CEP63: variants seen among roughly 807,000 people sequenced by gnomAD.
CEP63 encodes the protein centrosomal protein of 63 kDa.
A neutral mutation model predicts 89.1 loss-of-function variants in CEP63; 84 were observed. The ratio of observed to expected loss-of-function variants is 0.94; its 90% CI spans 0.79 to 1.13. The LOEUF (loss-of-function observed/expected upper bound fraction) is 1.13. Ranked by LOEUF, CEP63 falls within the 50% of genes most tolerant of loss-of-function variation. The pLI, the probability that CEP63 is intolerant of heterozygous loss-of-function variation, is 0.00. For missense variants in CEP63, 838 were observed against 813.3 expected, an observed-to-expected ratio of 1.03 and a Z score of -0.37; for synonymous variants, 267 against 272.5, an observed-to-expected ratio of 0.98 and a Z score of 0.20.
In CEP63 at chr3:134,529,339, C is replaced by CTG. The variant is rs1949384248; in HGVS notation, c.223-2505_223-2504insGT. Among the ~76,000 whole-genome samples the CTG allele has an allele frequency of 2.7e-4, 31 of 116,928 alleles. No individual in the cohort carries two copies. The South Asian group carries it at 8.3e-3, about 31-fold the overall frequency. 76.7% of individuals were successfully genotyped at this position (116,928 alleles called of 152,430 possible). A position where few individuals can be genotyped will look rare whatever the true frequency, so the allele number is the denominator to read the frequency against. On this transcript the variant is annotated intron_variant, in intron 3 of 14. Coordinates refer to ENST00000675561, the MANE Select transcript of CEP63 (RefSeq NM_001353108.3). ...TTATAAAAGAACAAATCCCCATTGA[C>CTG]TTTTTTTTTTTTTTTTTTTGAGACT... is the stretch of plus-strand genomic sequence containing the variant.
At chr3:134,764,881 C>A in the CEP63 span, among the ~76,000 whole-genome samples, 1 of 152,194 alleles carries the variant, frequency 6.6e-6, no homozygotes, top group East Asian at 1.9e-4. Flanking sequence ...TGTTAGCATA[C>A]TTCTAGCAGT....
the CEP63 span, among the ~76,000 whole-genome samples, chr3:134,611,038 T>A: frequency 2.6e-5 from 4 of 152,238 alleles, no homozygotes; most frequent in Non-Finnish European, 5.9e-5. Context: ...TGCTCAGGTC[T>A]GACTGGTGGG....
At chr3:134,608,967 CACT>C in the CEP63 span, 5 of 1,042,278 alleles carry the variant, frequency 4.8e-6, no homozygotes, top group African/African-American at 8.0e-5. Context: ...CTAACATGGG[CACT>C]GGAGACTCCT....
rs1291251302 is a variant in CEP63, at chr3:134,486,529, G to GTCCA, written c.-26+327_-26+328insTCCA. 4 of 985,700 alleles carry GTCCA rather than the reference G, an allele frequency of 4.1e-6. No individual in the cohort carries two copies. In the African/African-American group the frequency reaches 7.0e-5, roughly 17 times the overall value. 61.1% of individuals were successfully genotyped at this position (985,700 alleles called of 1,614,324 possible). A position where few individuals can be genotyped will look rare whatever the true frequency, so the allele number is the denominator to read the frequency against. On this transcript the variant is annotated intron_variant, in intron 1 of 14. Transcript: ENST00000675561. ...GTCAGCCCTTCCTCGGAGTCCAGGT[G>GTCCA]GCTGGGGGCGCTTCGGAGAGTGGCC...
chr3:134,553,848 A>G (rs1247754076), intron 12 of CEP63, among the ~76,000 whole-genome samples: 1 of 152,174 alleles, frequency 6.6e-6, no homozygotes, highest in African/African-American at 2.4e-5. Context: ...TTACATTCCC[A>G]TGGAAACCAT....
chr3:134,698,094 C>T, the CEP63 span, among the ~76,000 whole-genome samples: 1 of 152,200 alleles, frequency 6.6e-6, no homozygotes, highest in Non-Finnish European at 1.5e-5. Context: ...GCAGATACCC[C>T]GCCAACCTGA....
At chr3:134,559,031 T>C in intron 13 of CEP63, 119 bp from the exon 14 acceptor site, 3 of 1,005,024 alleles carry the variant, frequency 3.0e-6, no homozygotes, top group Non-Finnish European at 4.5e-6. Flanking sequence ...AGTAGGTTGC[T>C]CATTTTGTAA....
the CEP63 span, among the ~76,000 whole-genome samples, chr3:134,674,237 T>C: frequency 6.6e-6 from 1 of 152,096 alleles, no homozygotes; most frequent in South Asian, 2.1e-4. Flanking sequence ...AAAAAGATAA[T>C]ACATCATGAA....
the CEP63 span, among the ~76,000 whole-genome samples, chr3:134,602,351 G>A: frequency 6.6e-6 from 1 of 152,146 alleles, no homozygotes; most frequent in Admixed American, 6.5e-5. Context: ...AGGCCTCTCA[G>A]TCTGTGCCTG....
chr3:134,684,124 C>T, the CEP63 span, among the ~76,000 whole-genome samples: 1 of 152,150 alleles, frequency 6.6e-6, no homozygotes, highest in African/African-American at 2.4e-5. Flanking sequence ...TCTTCTTTGG[C>T]TTTTGCAATG....
the CEP63 span, among the ~76,000 whole-genome samples, chr3:134,676,587 T>C: frequency 6.6e-6 from 1 of 152,120 alleles, no homozygotes; most frequent in Admixed American, 6.5e-5. Flanking sequence ...TTATGGTATG[T>C]GAACCGCATC....
chr3:134,519,588 A>G (rs1231788760), intron 3 of CEP63, among the ~76,000 whole-genome samples: 2 of 152,126 alleles, frequency 1.3e-5, no homozygotes, highest in Non-Finnish European at 2.9e-5. Flanking sequence ...GATTTTCCTA[A>G]CTCCTTTTAT....
chr3:134,646,024 C>T, the CEP63 span, among the ~76,000 whole-genome samples: 1 of 152,196 alleles, frequency 6.6e-6, no homozygotes, highest in Non-Finnish European at 1.5e-5. Context: ...ACAGCTGCAA[C>T]CAACAAGGAT....
At chr3:134,732,113 A>T in the CEP63 span, among the ~76,000 whole-genome samples, 1 of 152,254 alleles carries the variant, frequency 6.6e-6, no homozygotes, top group Non-Finnish European at 1.5e-5. Context: ...GAGATAAAAA[A>T]TGAACAAGAT....
the CEP63 span, among the ~76,000 whole-genome samples, chr3:134,763,970 G>A: frequency 1.3e-5 from 2 of 152,114 alleles, no homozygotes; most frequent in Non-Finnish European, 2.9e-5. Context: ...TATACTCCCT[G>A]GGTCATAAGG....
chr3:134,759,023 T>C, the CEP63 span, among the ~76,000 whole-genome samples: 3 of 152,204 alleles, frequency 2.0e-5, no homozygotes, highest in African/African-American at 7.2e-5. Context: ...ACTTGCTGGC[T>C]TTGAAAGCAG....
At chr3:134,505,378 C>G (rs1943188434) in intron 2 of CEP63, among the ~76,000 whole-genome samples, 1 of 152,044 alleles carries the variant, frequency 6.6e-6, no homozygotes, top group Non-Finnish European at 1.5e-5. Flanking sequence ...CAGCCATAAT[C>G]AGTATCAGTG....
rs1422943206 is a variant in CEP63 at position 134,562,560 on chromosome 3, C to A, written c.*1025C>A. ...AACCTCAGTTTTTTTTAATGCCTCT[C>A]TTTTACTGCTCTGTATGTTTGCTTC... On this transcript the variant is annotated 3_prime_UTR_variant, in exon 15 of 15. Transcript: ENST00000675561. The A allele has an allele frequency of 6.6e-6, 1 of 152,052 alleles. No homozygotes were observed. Among genetic ancestry groups the A allele is most frequent in the Non-Finnish European group, 1.5e-5 (1 of 68,032 alleles). 9.4% of individuals were successfully genotyped at this position (152,052 alleles called of 1,614,324 possible).
At chr3:134,655,756 G>A in the CEP63 span, among the ~76,000 whole-genome samples, 13,698 of 152,148 alleles carry the variant, frequency 0.09, 745 homozygotes, top group Middle Eastern at 0.15. Flanking sequence ...TAACAATCAC[G>A]ATGAACACAC....
Sources: gnomAD v4.1 joint callset for allele counts (sites outside exome capture counted in the v4.1 genomes callset) on GRCh38, gnomAD v4.1.1 for gene constraint, MANE v1.5 for transcripts, NCBI Gene and HGNC (gene_info 2026-07-23, HGNC 2026-07-21) for gene names.